The following TMEM178A variants were observed in gnomAD, a reference collection of about 807,000 sequenced individuals.
TMEM178A encodes the protein transmembrane protein 178A.
TMEM178A carries 12 observed loss-of-function variants against 29.1 expected under a neutral mutation model. That is an observed-to-expected ratio of 0.41 (90% CI 0.26 to 0.67). The LOEUF (loss-of-function observed/expected upper bound fraction) is 0.67, where lower values mean the gene tolerates loss of function less well. TMEM178A is among the 30% of genes least tolerant of loss of function. The probability of loss-of-function intolerance (pLI) is 0.29; values close to 1 mark genes in which losing one functional copy is unlikely to be tolerated. For synonymous variants in TMEM178A, 210 were observed against 187.2 expected, an observed-to-expected ratio of 1.12 and a Z score of -0.99; for missense variants, 366 against 419.1, an observed-to-expected ratio of 0.87 and a Z score of 1.11.
chr2:39,672,665 G>A (rs1312400633), intron 1 of TMEM178A, among the ~76,000 whole-genome samples: 3 of 151,918 alleles, frequency 2.0e-5, no homozygotes, highest in Admixed American at 6.6e-5. Flanking sequence ...CAAGTAGCTG[G>A]GACTACAGGT....
At chr2:39,683,163 C>T (rs934606569) in intron 1 of TMEM178A, among the ~76,000 whole-genome samples, 23 of 152,180 alleles carry the variant, frequency 1.5e-4, no homozygotes, top group African/African-American at 3.9e-4. Context: ...TTGCAAAATA[C>T]GGTGTCGTCC....
At chr2:39,730,234 AG>A in the TMEM178A span, among the ~76,000 whole-genome samples, 1 of 152,136 alleles carries the variant, frequency 6.6e-6, no homozygotes, top group African/African-American at 2.4e-5. Context: ...TTTTGAAAGG[AG>A]GAGGGTTTCC....
the TMEM178A span, among the ~76,000 whole-genome samples, chr2:39,727,141 A>C: frequency 1.4e-4 from 21 of 152,144 alleles, no homozygotes; most frequent in Admixed American, 1.4e-3. Context: ...AAGGTCAAGG[A>C]TATTCCTCTA....
chr2:39,686,988 T>C (rs1045617917), intron 1 of TMEM178A, among the ~76,000 whole-genome samples: 1 of 149,846 alleles, frequency 6.7e-6, no homozygotes, highest in Non-Finnish European at 1.5e-5. Context: ...TGTGTGTGTG[T>C]GTGTGTGTGT....
At chr2:39,735,673 A>G in the TMEM178A span, among the ~76,000 whole-genome samples, 7 of 152,168 alleles carry the variant, frequency 4.6e-5, no homozygotes, top group African/African-American at 7.2e-5. Flanking sequence ...ACACAACCAC[A>G]TTTACTTAGT....
chr2:39,679,931 A>C (rs1238193459), intron 1 of TMEM178A, among the ~76,000 whole-genome samples: 1 of 152,106 alleles, frequency 6.6e-6, no homozygotes, highest in African/African-American at 2.4e-5. Context: ...TATGCTGAAA[A>C]AAGCCTGGAG....
At chr2:39,673,531 C>T (rs920235770) in intron 1 of TMEM178A, among the ~76,000 whole-genome samples, 1 of 152,078 alleles carries the variant, frequency 6.6e-6, no homozygotes, top group African/African-American at 2.4e-5. Flanking sequence ...TAATATATTC[C>T]CTTTTGGTTT....
In TMEM178A at chr2:39,675,838, G is replaced by A. The variant is rs72934265; in HGVS notation, c.400+9464G>A. On this transcript the variant is annotated intron_variant, in intron 1 of 3. Transcript: ENST00000281961. The stretch of plus-strand genomic sequence containing the variant: ...TCTGTTGTCCAGACTGGAGTGCAGT[G>A]GCGCGGTCATACTTTGCTGCAGCCC... 6.3e-3 allele frequency among the ~76,000 whole-genome samples: 958 copies of A among 152,218 alleles called. 14 individuals carry two copies. Among genetic ancestry groups the A allele is most frequent in the African/African-American group, 0.022 (898 of 41,524 alleles).
intron 1 of TMEM178A, among the ~76,000 whole-genome samples, chr2:39,681,074 C>A (rs1670850872): frequency 6.6e-6 from 1 of 152,062 alleles, no homozygotes; most frequent in Admixed American, 6.6e-5. Flanking sequence ...TTATTCAAAG[C>A]CCTACTCAAG....
chr2:39,703,021 A>G (rs771428526), intron 1 of TMEM178A, among the ~76,000 whole-genome samples: 1 of 152,338 alleles, frequency 6.6e-6, no homozygotes, highest in Non-Finnish European at 1.5e-5. Flanking sequence ...GATGCAAATT[A>G]TGCTCAAATA....
In TMEM178A at chr2:39,665,940, C is replaced by G. The variant is rs1044872372; in HGVS notation, c.-35C>G. The G allele has an allele frequency of 3.0e-6, 4 of 1,349,490 alleles. No homozygotes were observed. The African/African-American group carries it at 4.6e-5, about 16-fold the overall frequency. 83.6% of individuals were successfully genotyped at this position (1,349,490 alleles called of 1,614,324 possible). On this transcript the variant is annotated 5_prime_UTR_variant, in exon 1 of 4. Coordinates refer to ENST00000281961, the MANE Select transcript of TMEM178A (RefSeq NM_152390.3). ...GTGCATTGTGTCTGGCGGCGGCGCG[C>G]GAGCCCACCGGCGGCTGCGGCGGGG...
intron 3 of TMEM178A, among the ~76,000 whole-genome samples, chr2:39,708,280 T>A (rs1160768172): frequency 6.6e-6 from 1 of 151,530 alleles, no homozygotes; most frequent in Non-Finnish European, 1.5e-5. Context: ...GACAGGATAG[T>A]ATCACATGAG....
At chr2:39,693,442 T>G (rs1209006012) in intron 1 of TMEM178A, among the ~76,000 whole-genome samples, 1 of 152,222 alleles carries the variant, frequency 6.6e-6, no homozygotes, top group Non-Finnish European at 1.5e-5. Context: ...ATCCACTGAA[T>G]TGATGGCTGT....
chr2:39,665,767 G>A (rs1475058278), upstream of TMEM178A: 7 of 411,862 alleles, frequency 1.7e-5, no homozygotes, highest in Non-Finnish European at 2.4e-5. Flanking sequence ...CGGGGGCCGG[G>A]CCGGGGGCGG....
chr2:39,704,221 G>A (rs1671928139), intron 2 of TMEM178A, 27 bp downstream of exon 2: 2 of 1,593,994 alleles, frequency 1.3e-6, no homozygotes, highest in African/African-American at 2.7e-5. Flanking sequence ...GAGGTTCAGA[G>A]AGGAAATGGT....
At chr2:39,710,788 T>G (rs933529562) in intron 3 of TMEM178A, among the ~76,000 whole-genome samples, 1 of 152,244 alleles carries the variant, frequency 6.6e-6, no homozygotes, top group Admixed American at 6.5e-5. Context: ...ATGCTAAACT[T>G]AGCCCCTTCT....
intron 3 of TMEM178A, among the ~76,000 whole-genome samples, chr2:39,707,446 G>A (rs1414284236): frequency 6.6e-6 from 1 of 152,078 alleles, no homozygotes; most frequent in African/African-American, 2.4e-5. Flanking sequence ...TATGAGCCCA[G>A]TCTGTTTTTT....
chr2:39,705,415 A>G (rs1475478538), intron 2 of TMEM178A, among the ~76,000 whole-genome samples: 1 of 152,188 alleles, frequency 6.6e-6, no homozygotes, highest in Non-Finnish European at 1.5e-5. Flanking sequence ...CACTCAAACC[A>G]TAGGAAATTT....
At chr2:39,704,529 C>T (rs1028956408) in intron 2 of TMEM178A, among the ~76,000 whole-genome samples, 4 of 152,072 alleles carry the variant, frequency 2.6e-5, no homozygotes, top group African/African-American at 9.7e-5. Flanking sequence ...GGAGATTATA[C>T]CTTAGGGGCT....
Sources: gnomAD v4.1 joint callset for allele counts (sites outside exome capture counted in the v4.1 genomes callset) on GRCh38, gnomAD v4.1.1 for gene constraint, MANE v1.5 for transcripts, NCBI Gene and HGNC (gene_info 2026-07-23, HGNC 2026-07-21) for gene names.